Variants in TMEM236 observed in about 807,000 individuals in gnomAD.
The protein encoded by TMEM236 is transmembrane protein 236.
Under a neutral mutation model 14.7 loss-of-function variants are expected in TMEM236, and 11 were observed. The ratio of observed to expected loss-of-function variants is 0.75; its 90% CI spans 0.47 to 1.24. The LOEUF (loss-of-function observed/expected upper bound fraction) is 1.24, where lower values mean the gene tolerates loss of function less well. Ranked by LOEUF, TMEM236 falls within the 50% of genes most tolerant of loss-of-function variation. The pLI, the probability that TMEM236 is intolerant of heterozygous loss-of-function variation, is 0.00. For missense variants in TMEM236, 464 were observed against 427.3 expected (o/e 1.09, Z -0.76); for synonymous variants, 182 against 168.6 (o/e 1.08, Z -0.62).
At position 17,754,925 on chromosome 10, in the gene TMEM236, T is replaced by C. The variant is rs200821068; in HGVS notation, c.257+2373T>C. ...GCTAATTTTTCTTTCATACTGATGT[T>C]TTATTTATTTATTTATTTATTTATT... is the stretch of plus-strand genomic sequence containing the variant. On this transcript the variant is annotated intron_variant, in intron 1 of 3. Coordinates refer to ENST00000377495, the MANE Select transcript of TMEM236 (RefSeq NM_001098844.3). 5.2e-4 allele frequency among the ~76,000 whole-genome samples: 4 copies of C among 7,764 alleles called. 1 individual carries two copies. The East Asian group carries it at 0.015, about 29-fold the overall frequency. 5.1% of individuals were successfully genotyped at this position (7,764 alleles called of 152,430 possible). A position where few individuals can be genotyped will look rare whatever the true frequency, so the allele number is the denominator to read the frequency against.
intron 3 of TMEM236, among the ~76,000 whole-genome samples, chr10:17,791,464 A>G (rs1837924037): frequency 1.3e-5 from 2 of 152,150 alleles, no homozygotes; most frequent in African/African-American, 4.8e-5. Flanking sequence ...TCTCTAAAAT[A>G]ACGTAAAGTG....
chr10:17,776,715 G>A (rs1411258465), intron 3 of TMEM236, among the ~76,000 whole-genome samples: 1 of 152,082 alleles, frequency 6.6e-6, no homozygotes, highest in Non-Finnish European at 1.5e-5. Flanking sequence ...TGGGAAGATG[G>A]CATGAGCTCA....
Position 17,799,674 on chromosome 10 carries a change from C to T in TMEM236, c.*3170C>T, listed in dbSNP as rs1226807796. ...AAGAAAAGCCTGTCATCAAGGGATT[C>T]ATTTATGATATTCCTAAATATGAAA... On this transcript the variant is annotated 3_prime_UTR_variant, in exon 4 of 4. Coordinates refer to ENST00000377495, the MANE Select transcript of TMEM236 (RefSeq NM_001098844.3). The T allele has an allele frequency of 6.6e-6, 1 of 152,514 alleles. No individual in the cohort carries two copies. Among genetic ancestry groups the T allele is most frequent in the Non-Finnish European group, 1.5e-5 (1 of 68,010 alleles). The allele number at this position is 152,514 out of a possible 1,614,324, so 9.4% of individuals were successfully genotyped here. A position where few individuals can be genotyped will look rare whatever the true frequency, so the allele number is the denominator to read the frequency against.
At position 17,762,604 on chromosome 10, in the gene TMEM236, T is replaced by C. The variant is rs1457684971; in HGVS notation, c.258-8705T>C. Among the ~76,000 whole-genome samples the C allele has an allele frequency of 2.0e-4, 16 of 81,680 alleles. 1 individual carries two copies. The East Asian group carries it at 3.6e-3, about 18-fold the overall frequency. The allele number at this position is 81,680 out of a possible 152,430, so 53.6% of individuals were successfully genotyped here. ...ATATATATATATATATATATATATA[T>C]ATATATATATATATACACACATACA... is the stretch of plus-strand genomic sequence containing the variant. On this transcript the variant is annotated intron_variant, in intron 1 of 3. Transcript: ENST00000377495.
chr10:17,792,819 A>T lies in TMEM236; in HGVS notation c.473-3102A>T, dbSNP rs889693990. ...GAATATTGTTTTACCCAAACAGAAC[A>T]AATAACAACTAACAACAATGGGAAA... On this transcript the variant is annotated intron_variant, in intron 3 of 3. Transcript: ENST00000377495. 3.1e-3 allele frequency among the ~76,000 whole-genome samples: 470 copies of T among 152,338 alleles called. 2 individuals are homozygous for T. The highest frequency in any genetic ancestry group is 0.011 in the African/African-American group (449 of 41,580).
rs1399529926 is a variant in TMEM236 at position 17,796,308 on chromosome 10, C to T, written c.860C>T (p.Pro287Leu). The T allele has an allele frequency of 2.2e-5, 36 of 1,613,838 alleles. No homozygotes were observed. The highest frequency in any genetic ancestry group is 5.3e-5 in the African/African-American group (4 of 74,922). The change falls in exon 4 of 4, where the codon CCT becomes CTT. Residue 287 changes from proline (P) to leucine (L), a missense_variant. Physicochemically the swap from Pro to Leu is moderately conservative, Grantham distance 98. Coordinates refer to ENST00000377495, the MANE Select transcript of TMEM236 (RefSeq NM_001098844.3). ...LLRITFTPQN[P>L]LLNSLSVLLQ... is the part of the protein sequence containing the mutation. Reference sequence around the variant, plus strand: ...CGAATTACATTCACTCCCCAAAACCCTCTTCTCAATTCCCTGAGCGTCCTG... The same window carrying T: ...CGAATTACATTCACTCCCCAAAACCTTCTTCTCAATTCCCTGAGCGTCCTG...
intron 3 of TMEM236, among the ~76,000 whole-genome samples, chr10:17,792,289 C>T (rs1354677030): frequency 4.6e-5 from 7 of 152,130 alleles, no homozygotes; most frequent in Non-Finnish European, 1.0e-4. Context: ...GGTTTCACCA[C>T]GTTAGCCAGG....
At chr10:17,785,426 A>T (rs1837818466) in intron 3 of TMEM236, among the ~76,000 whole-genome samples, 1 of 152,230 alleles carries the variant, frequency 6.6e-6, no homozygotes, top group South Asian at 2.1e-4. Flanking sequence ...AAAAGCAGAG[A>T]GGCCAATCCA....
intron 1 of TMEM236, among the ~76,000 whole-genome samples, chr10:17,759,417 T>C (rs2131740818): frequency 1.3e-5 from 2 of 152,302 alleles, no homozygotes; most frequent in Admixed American, 1.3e-4. Context: ...ATTCAGACTA[T>C]GAACACGTCA....
chr10:17,795,932 G>T lies in TMEM236; in HGVS notation c.484G>T (p.Gly162Ter), dbSNP rs1478865353. 49 of 1,613,784 alleles carry T rather than the reference G, an allele frequency of 3.0e-5. No individual in the cohort carries two copies. The highest frequency in any genetic ancestry group is 3.9e-5 in the Non-Finnish European group (46 of 1,179,858). ...LRGSQKSSEN[G>*]HIHSTSLQHI... ...TCTGTTAATTGCAGGTAGTGAAAAT[G>T]GACACATCCATTCAACCTCTTTGCA... The change falls in exon 4 of 4, where the codon GGA becomes TGA. Residue 162 changes from glycine (G) to a stop codon, truncating the protein, a stop_gained. Coordinates refer to ENST00000377495, the MANE Select transcript of TMEM236 (RefSeq NM_001098844.3). LOFTEE classifies it low-confidence loss of function (END_TRUNC).
At chr10:17,770,519 G>A (rs1158890416) in intron 1 of TMEM236, among the ~76,000 whole-genome samples, 1 of 152,160 alleles carries the variant, frequency 6.6e-6, no homozygotes, top group East Asian at 1.9e-4. Context: ...GAGTAGCTGG[G>A]ACTACAGGTG....
chr10:17,767,466 T>A (rs71497205), intron 1 of TMEM236, among the ~76,000 whole-genome samples: 5,583 of 151,848 alleles, frequency 0.037, 193 homozygotes, highest in East Asian at 0.2. Flanking sequence ...TCTCAAAAAA[T>A]ATATATATAT....
intron 1 of TMEM236, among the ~76,000 whole-genome samples, chr10:17,757,686 A>G (rs1837303065): frequency 6.6e-6 from 1 of 151,432 alleles, no homozygotes; most frequent in Non-Finnish European, 1.5e-5. Context: ...TGTATCTCAT[A>G]CAATTTTCTT....
At position 17,797,087 on chromosome 10, in the gene TMEM236, C is replaced by CA. The variant is rs1297028065; in HGVS notation, c.*588dup. The CA allele has an allele frequency of 2.5e-5, 4 of 158,980 alleles. No homozygotes were observed. The highest frequency in any genetic ancestry group is 2.3e-4 in the Admixed American group (4 of 17,114). The allele number at this position is 158,980 out of a possible 1,614,324, so 9.8% of individuals were successfully genotyped here. Reference sequence around the variant, plus strand: ...CTTCCACAAAACTAGTCCCTGGTGCCAAAAAGGTTGGGGACCACTGATGTA... The same window carrying CA: ...CTTCCACAAAACTAGTCCCTGGTGCCAAAAAAGGTTGGGGACCACTGATGTA... On this transcript the variant is annotated 3_prime_UTR_variant, in exon 4 of 4. Coordinates refer to ENST00000377495, the MANE Select transcript of TMEM236 (RefSeq NM_001098844.3).
chr10:17,769,047 T>C (rs1837524977), intron 1 of TMEM236, among the ~76,000 whole-genome samples: 1 of 152,206 alleles, frequency 6.6e-6, no homozygotes, highest in Non-Finnish European at 1.5e-5. Flanking sequence ...TAAAGCTTTA[T>C]ACCCATTAAC....
chr10:17,774,029 TTTTGTTTG>T lies in TMEM236; in HGVS notation c.331-1976_331-1969del, dbSNP rs1228988280. ...CTTAAAATCTTTCATATATATATAT[TTTTGTTTG>T]TTTGTTTGTTTGTTTGTTTGTTTTT... On this transcript the variant is annotated intron_variant, in intron 2 of 3. Coordinates refer to ENST00000377495, the MANE Select transcript of TMEM236 (RefSeq NM_001098844.3). Among the ~76,000 whole-genome samples the T allele has an allele frequency of 1.3e-4, 18 of 133,494 alleles. No individual in the cohort carries two copies. In the Admixed American group the frequency reaches 1.4e-3, roughly 10 times the overall value. 87.6% of individuals were successfully genotyped at this position (133,494 alleles called of 152,430 possible). A position where few individuals can be genotyped will look rare whatever the true frequency, so the allele number is the denominator to read the frequency against.
At chr10:17,772,512 G>A (rs1350905265) in intron 2 of TMEM236, among the ~76,000 whole-genome samples, 1 of 152,164 alleles carries the variant, frequency 6.6e-6, no homozygotes, top group Non-Finnish European at 1.5e-5. Flanking sequence ...GTAAACTGAT[G>A]GCATATCTGG....
At chr10:17,763,070 G>A (rs987091325) in intron 1 of TMEM236, among the ~76,000 whole-genome samples, 4 of 152,086 alleles carry the variant, frequency 2.6e-5, no homozygotes, top group Non-Finnish European at 4.4e-5. Context: ...GTGGAGTCTG[G>A]ATAGTTGCAT....
chr10:17,797,298 T>G lies in TMEM236; in HGVS notation c.*794T>G, dbSNP rs1838032784. The G allele has an allele frequency of 6.6e-6, 1 of 151,690 alleles. No homozygotes were observed. The highest frequency in any genetic ancestry group is 2.4e-5 in the African/African-American group (1 of 41,340). 9.4% of individuals were successfully genotyped at this position (151,690 alleles called of 1,614,324 possible). A position where few individuals can be genotyped will look rare whatever the true frequency, so the allele number is the denominator to read the frequency against. ...TTGAATAATTTTTAGGTTATACTTT[T>G]TTTTTTTTTTTTGAGACGATGTCTC... On this transcript the variant is annotated 3_prime_UTR_variant, in exon 4 of 4. Coordinates refer to ENST00000377495, the MANE Select transcript of TMEM236 (RefSeq NM_001098844.3).
Sources: allele counts gnomAD v4.1 joint callset (sites outside exome capture counted in the v4.1 genomes callset), GRCh38; gene constraint gnomAD v4.1.1; transcripts MANE v1.5; gene names NCBI Gene and HGNC (gene_info 2026-07-23, HGNC 2026-07-21).